Variants in NCL observed in about 807,000 individuals in gnomAD.
NCL encodes nucleolin multifunctional protein.
Under a neutral mutation model 77.7 loss-of-function variants are expected in NCL, and 4 were observed. That is an observed-to-expected ratio of 0.05 (90% confidence interval 0.03 to 0.12). The LOEUF is 0.12. Ranked by LOEUF, NCL falls within the 10% of genes least tolerant of loss-of-function variation. NCL has a pLI of 1.00. For missense variants in NCL, 763 were observed against 860.9 expected (o/e 0.89, Z 1.42); for synonymous variants, 344 against 297.8 (o/e 1.16, Z -1.60).
chr2:231,463,981 G>T, intron 1 of NCL: 1 of 472,414 alleles, frequency 2.1e-6, no homozygotes, highest in Non-Finnish European at 3.1e-6. Context: ...ACGCGGCGCG[G>T]CCCACGTGGC....
At position 231,454,112 on chromosome 2, in the gene NCL, CAA is replaced by C. The variant is rs753039784; in HGVS notation, c.*1077_*1078del. On this transcript the variant is annotated 3_prime_UTR_variant, in exon 14 of 14. Coordinates refer to ENST00000322723, the MANE Select transcript of NCL (RefSeq NM_005381.3). ...AGTTTCCTCCCCAGCCCCAAGGTTC[CAA>C]AGTGTCCACTGGTCTATCCATCTAG... is the stretch of plus-strand genomic sequence containing the variant. 6.6e-6 allele frequency: 1 copy of C among 152,268 alleles called. No individual in the cohort carries two copies. Among genetic ancestry groups the C allele is most frequent in the African/African-American group, 2.4e-5 (1 of 41,440 alleles). The allele number at this position is 152,268 out of a possible 1,614,324, so 9.4% of individuals were successfully genotyped here.
intron 7 of NCL, 142 bp from the exon 8 acceptor site, chr2:231,458,531 A>G (rs2125634943): frequency 9.6e-7 from 1 of 1,040,504 alleles, no homozygotes; most frequent in Non-Finnish European, 1.4e-6. Context: ...GGTGCTAAAT[A>G]TGGAGATATA....
At chr2:231,457,324 T>A in intron 9 of NCL, 200 bp from the exon 10 acceptor site, 1 of 815,802 alleles carries the variant, frequency 1.2e-6, no homozygotes, top group East Asian at 2.7e-5. Flanking sequence ...TGTTCTTACA[T>A]AGGCTGATGA....
At chr2:231,459,569 A>T (rs1271161011) in intron 6 of NCL, among the ~76,000 whole-genome samples, 1 of 151,744 alleles carries the variant, frequency 6.6e-6, no homozygotes, top group East Asian at 2.0e-4. Context: ...GGCTCACTGC[A>T]ACCTCTGCCT....
chr2:231,459,863 C>T (rs1333696629), intron 6 of NCL, among the ~76,000 whole-genome samples: 4 of 151,888 alleles, frequency 2.6e-5, no homozygotes, highest in African/African-American at 7.2e-5. Flanking sequence ...GCCAAGATTG[C>T]GCCACTGTAC....
intron 1 of NCL, 45 bp downstream of exon 1, chr2:231,464,291 G>T: frequency 6.4e-7 from 1 of 1,558,532 alleles, no homozygotes; most frequent in South Asian, 1.2e-5. Flanking sequence ...CTCGCCCCTC[G>T]GAAAGCAGGC....
intron 6 of NCL, among the ~76,000 whole-genome samples, 169 bp downstream of exon 6, chr2:231,459,983 G>C (rs1010287642): frequency 2.6e-5 from 4 of 152,186 alleles, no homozygotes; most frequent in Non-Finnish European, 4.4e-5. Context: ...TATGGAAATT[G>C]CAACTTAGGG....
chr2:231,454,009 C>T lies in NCL; in HGVS notation c.*1182G>A, dbSNP rs1304026648. On this transcript the variant is annotated 3_prime_UTR_variant, in exon 14 of 14. Coordinates refer to ENST00000322723, the MANE Select transcript of NCL (RefSeq NM_005381.3). ...TTTACTAAAAAGGGAGGTTGAGAGG[C>T]AAGTACTTAAGACCAGAAAGAATAA... 1 of 152,134 alleles carries T rather than the reference C, an allele frequency of 6.6e-6. No individual in the cohort carries two copies. Among genetic ancestry groups the T allele is most frequent in the African/African-American group, 2.4e-5 (1 of 41,402 alleles). The allele number at this position is 152,134 out of a possible 1,614,324, so 9.4% of individuals were successfully genotyped here. A position where few individuals can be genotyped will look rare whatever the true frequency, so the allele number is the denominator to read the frequency against.
intron 6 of NCL, 40 bp downstream of exon 6, chr2:231,460,112 A>G: frequency 6.3e-7 from 1 of 1,580,856 alleles, no homozygotes; most frequent in Non-Finnish European, 8.6e-7. Context: ...GAAAAGCATT[A>G]ACAGACCCAC....
At chr2:231,463,370 TCATA>T in intron 1 of NCL, 54 bp from the exon 2 acceptor site, 2 of 1,219,262 alleles carry the variant, frequency 1.6e-6, no homozygotes, top group Non-Finnish European at 2.4e-6. Flanking sequence ...TTCAGGCCAT[TCATA>T]TTTTGCCATT....
chr2:231,463,296 G>A lies in NCL; in HGVS notation c.39C>T (p.Asp13=). ...KLAKAGKNQG[D]PKKMAPPPKE... ...TTGGAGGAGGAGCCATTTTCTTGGG[G>A]TCACCTTGATTTTTACCTGCCTAAA... Residue 13 remains aspartate (D), a synonymous_variant, in exon 2 of 14, where the codon GAC becomes GAT. Transcript: ENST00000322723. The A allele has an allele frequency of 6.2e-7, 1 of 1,610,706 alleles. No homozygotes were observed. Among genetic ancestry groups the A allele is most frequent in the Non-Finnish European group, 8.5e-7 (1 of 1,178,950 alleles).
At position 231,459,111 on chromosome 2, in the gene NCL, A is replaced by G. The variant is rs770524217; in HGVS notation, c.1055T>C (p.Val352Ala). The G allele has an allele frequency of 3.2e-6, 5 of 1,579,378 alleles. No individual in the cohort carries two copies. The highest frequency in any genetic ancestry group is 4.3e-6 in the Non-Finnish European group (5 of 1,168,536). The part of the protein sequence containing the change: ...RIGMTRKFGY[V>A]DFESAEDLEK... ...CAGGTCTTCAGCAGATTCAAAATCC[A>G]CATAACCAAATTTCCTTCAAGGTGG... Residue 352 changes from valine to alanine, a missense_variant, in exon 7 of 14, where the codon GTG becomes GCG. By Grantham distance (64) the Val-to-Ala change is moderately conservative. Coordinates refer to ENST00000322723, the MANE Select transcript of NCL (RefSeq NM_005381.3).
chr2:231,460,089 C>A (rs914266667), intron 6 of NCL, 63 bp downstream of exon 6: 17 of 1,521,774 alleles, frequency 1.1e-5, no homozygotes, highest in Non-Finnish European at 1.4e-5. Flanking sequence ...AGTAACTGTG[C>A]TAACAGGGGA....
intron 10 of NCL, 45 bp downstream of exon 10, chr2:231,456,956 A>G: frequency 6.2e-7 from 1 of 1,604,312 alleles, no homozygotes; most frequent in South Asian, 1.1e-5. Flanking sequence ...TAGACCTCTA[A>G]GACATATATA....
rs138541823 is a variant in NCL, at chr2:231,460,568, G to A, written c.812-4C>T. 1 of 1,614,098 alleles carries A rather than the reference G, an allele frequency of 6.2e-7. No homozygotes were observed. The highest frequency in any genetic ancestry group is 8.5e-7 in the Non-Finnish European group (1 of 1,180,020). ...CCAGGTGCTTCTTTGACAGGCTCTG[G>A]ACAAGATGTCAAACAATGTATCACA... On this transcript the variant is annotated splice_polypyrimidine_tract_variant and splice_region_variant and intron_variant, in intron 4 of 13. Coordinates refer to ENST00000322723, the MANE Select transcript of NCL (RefSeq NM_005381.3).
chr2:231,456,769 G>C lies in NCL; in HGVS notation c.1572-5C>G, dbSNP rs772980463. ...GCAAACTCTATAAATGCATACCTGA[G>C]GATGAACAGTTAATGCTTAGAGTAA... On this transcript the variant is annotated splice_polypyrimidine_tract_variant and splice_region_variant and intron_variant, in intron 10 of 13. Transcript: ENST00000322723. 2 of 1,613,928 alleles carry C rather than the reference G, an allele frequency of 1.2e-6. No homozygotes were observed. The highest frequency in any genetic ancestry group is 2.7e-5 in the African/African-American group (2 of 74,902).
intron 1 of NCL, chr2:231,464,041 G>T: frequency 1.8e-6 from 2 of 1,103,940 alleles, no homozygotes; most frequent in Non-Finnish European, 2.3e-6. Flanking sequence ...CAGCTCGTAC[G>T]CGTCGCAAAA....
chr2:231,456,275 CTTAA>C (rs1353814310), intron 11 of NCL, 139 bp from the exon 12 acceptor site: 43 of 1,105,566 alleles, frequency 3.9e-5, no homozygotes, highest in East Asian at 2.2e-4. Context: ...CCAACTAGTC[CTTAA>C]TTAAAGTAAA....
chr2:231,455,097 A>C lies in NCL; in HGVS notation c.*94T>G. 7.3e-7 allele frequency: 1 copy of C among 1,370,854 alleles called. No individual in the cohort carries two copies. Among genetic ancestry groups the C allele is most frequent in the Non-Finnish European group, 1.0e-6 (1 of 965,696 alleles). The allele number at this position is 1,370,854 out of a possible 1,614,324, so 84.9% of individuals were successfully genotyped here. On this transcript the variant is annotated 3_prime_UTR_variant, in exon 14 of 14. Transcript: ENST00000322723. ...ACCACAGGACTGTATACTGTCTTGG[A>C]ATGTCCTCAGAAGGCTCTGTCATTG...
Sources: allele counts gnomAD v4.1 joint callset (sites outside exome capture counted in the v4.1 genomes callset), GRCh38; gene constraint gnomAD v4.1.1; transcripts MANE v1.5; gene names NCBI Gene and HGNC (gene_info 2026-07-23, HGNC 2026-07-21).